Variants in AOPEP observed in about 807,000 individuals in gnomAD.
AOPEP encodes the protein aminopeptidase O (putative), also known as aminopeptidase O.
AOPEP carries 77 observed loss-of-function variants against 98.1 expected under a neutral mutation model. The observed-to-expected ratio is 0.78, with a 90% CI of 0.65 to 0.95. The LOEUF (loss-of-function observed/expected upper bound fraction) is 0.95, where lower values mean the gene tolerates loss of function less well. Among genes scored for constraint, AOPEP ranks in the 40% least tolerant of loss-of-function variants. The probability of loss-of-function intolerance (pLI) is 0.00; values close to 1 mark genes in which losing one functional copy is unlikely to be tolerated. For synonymous variants in AOPEP, 346 were observed against 365.3 expected (o/e 0.95, Z 0.60); for missense variants, 1,024 against 1,024.7 (o/e 1.00, Z 0.01).
intron 2 of AOPEP, among the ~76,000 whole-genome samples, chr9:94,764,478 C>G (rs1421114548): frequency 6.6e-6 from 1 of 152,050 alleles, no homozygotes; most frequent in Non-Finnish European, 1.5e-5. Flanking sequence ...GAAACCCCAT[C>G]TTTACTAAAA....
At chr9:95,065,389 C>T (rs889978908) in intron 14 of AOPEP, 5 of 152,276 alleles carry the variant, frequency 3.3e-5, no homozygotes, top group East Asian at 3.9e-4. Context: ...CCCCGTAGGA[C>T]ACCGAGGCTT....
the AOPEP span, among the ~76,000 whole-genome samples, chr9:95,096,092 G>C: frequency 6.6e-6 from 1 of 152,154 alleles, no homozygotes; most frequent in Non-Finnish European, 1.5e-5. Context: ...AGAACACACA[G>C]ATCCCAGAAC....
At chr9:94,759,156 A>C (rs1341191681) in intron 1 of AOPEP, among the ~76,000 whole-genome samples, 1 of 152,228 alleles carries the variant, frequency 6.6e-6, no homozygotes, top group African/African-American at 2.4e-5. Context: ...TAATGTGAAA[A>C]GTACATTAAT....
chr9:95,096,165 GT>G, the AOPEP span, among the ~76,000 whole-genome samples: 1 of 152,136 alleles, frequency 6.6e-6, no homozygotes, highest in South Asian at 2.1e-4. Context: ...TTCTGTAACA[GT>G]TTTACTCCTG....
intron 10 of AOPEP, among the ~76,000 whole-genome samples, chr9:94,979,054 G>A (rs3802457): frequency 0.083 from 12,653 of 152,126 alleles, 1,182 homozygotes; most frequent in African/African-American, 0.23. Context: ...TGATGTGTGC[G>A]ATGAATATGC....
chr9:94,814,820 T>C (rs192148932), intron 5 of AOPEP, among the ~76,000 whole-genome samples: 1 of 152,346 alleles, frequency 6.6e-6, no homozygotes, highest in Admixed American at 6.5e-5. Context: ...GTAAGGGAAT[T>C]ACAGCCTCAT....
At chr9:95,067,544 C>T (rs1028834411) in intron 14 of AOPEP, among the ~76,000 whole-genome samples, 5 of 152,174 alleles carry the variant, frequency 3.3e-5, no homozygotes, top group Non-Finnish European at 1.5e-5. Context: ...AACCAGCCAG[C>T]GCAAAGCTGA....
intron 5 of AOPEP, among the ~76,000 whole-genome samples, chr9:94,866,047 GA>G (rs2045670732): frequency 6.6e-6 from 1 of 152,174 alleles, no homozygotes; most frequent in Non-Finnish European, 1.5e-5. Context: ...TTTACGTACA[GA>G]AATTCTCCGA....
intron 13 of AOPEP, chr9:95,019,662 A>G (rs2063303933): frequency 6.6e-6 from 1 of 152,138 alleles, no homozygotes; most frequent in African/African-American, 2.4e-5. Context: ...TGAAATGATT[A>G]TTTTCTCTGA....
intron 7 of AOPEP, chr9:94,932,190 G>GACAT: frequency 1.0e-6 from 1 of 988,954 alleles, no homozygotes; most frequent in African/African-American, 1.7e-5. Context: ...GCTCTGGAAG[G>GACAT]ACATACAGGT....
At chr9:94,750,475 C>T (rs9409805) in intron 1 of AOPEP, among the ~76,000 whole-genome samples, 7,875 of 152,054 alleles carry the variant, frequency 0.052, 225 homozygotes, top group Admixed American at 0.077. Flanking sequence ...GTCCCAGCTA[C>T]TCGGGAGGCT....
chr9:95,031,094 G>C (rs944135207), intron 13 of AOPEP, among the ~76,000 whole-genome samples: 1 of 152,168 alleles, frequency 6.6e-6, no homozygotes, highest in African/African-American at 2.4e-5. Context: ...GGAAAGTGTG[G>C]TGTTCACAGT....
chr9:95,031,641 C>T (rs2064311320), intron 13 of AOPEP, among the ~76,000 whole-genome samples: 2 of 152,182 alleles, frequency 1.3e-5, no homozygotes, highest in Non-Finnish European at 2.9e-5. Flanking sequence ...TTTTACTACT[C>T]TACACGTAAC....
chr9:94,826,371 A>G (rs1018623480), intron 5 of AOPEP, among the ~76,000 whole-genome samples: 1 of 152,312 alleles, frequency 6.6e-6, no homozygotes, highest in Non-Finnish European at 1.5e-5. Flanking sequence ...GTTGGGACAC[A>G]GTGAGCAGCA....
chr9:94,759,007 G>A (rs1347388351), intron 1 of AOPEP, among the ~76,000 whole-genome samples: 1 of 151,616 alleles, frequency 6.6e-6, no homozygotes, highest in Non-Finnish European at 1.5e-5. Context: ...CTATTAAGAT[G>A]TAATGATATA....
intron 16 of AOPEP, chr9:95,086,200 C>T (rs547410798): frequency 1.4e-5 from 18 of 1,295,766 alleles, no homozygotes; most frequent in Admixed American, 6.9e-5. Flanking sequence ...CACCCCGGCC[C>T]GGCGGCAGCA....
intron 7 of AOPEP, among the ~76,000 whole-genome samples, chr9:94,929,276 C>G (rs1201676443): frequency 6.6e-6 from 1 of 152,214 alleles, no homozygotes; most frequent in East Asian, 1.9e-4. Flanking sequence ...GGAACTGCTC[C>G]TCTCCTCGCC....
chr9:94,976,608 T>C (rs75075449), intron 10 of AOPEP, among the ~76,000 whole-genome samples: 5,585 of 152,120 alleles, frequency 0.037, 222 homozygotes, highest in East Asian at 0.11. Flanking sequence ...CTCTTAAATA[T>C]CTTATGGGAA....
Position 94,737,893 on chromosome 9 carries a change from G to C in AOPEP, c.-136+11142G>C, listed in dbSNP as rs994179576. On this transcript the variant is annotated intron_variant, in intron 1 of 16. Coordinates refer to ENST00000375315, the MANE Select transcript of AOPEP (RefSeq NM_001193329.3). ...CTTAGGATGGAATGTACTGCTCTGT[G>C]CTTTAAACTGCCATTTTTGATCTAG... Among the ~76,000 whole-genome samples, 3 of 152,268 alleles carry C rather than the reference G, an allele frequency of 2.0e-5. No homozygotes were observed. The South Asian group carries it at 6.2e-4, about 32-fold the overall frequency.
Sources: gnomAD v4.1 joint callset for allele counts (sites outside exome capture counted in the v4.1 genomes callset) on GRCh38, gnomAD v4.1.1 for gene constraint, MANE v1.5 for transcripts, NCBI Gene and HGNC (gene_info 2026-07-23, HGNC 2026-07-21) for gene names.